NKAIN3: variants seen among roughly 807,000 people sequenced by gnomAD.
The protein encoded by NKAIN3 is sodium/potassium-transporting ATPase subunit beta-1-interacting protein 3.
A neutral mutation model predicts 30.2 loss-of-function variants in NKAIN3; 25 were observed. The ratio of observed to expected loss-of-function variants is 0.83; its 90% CI spans 0.60 to 1.16. The LOEUF is 1.16. NKAIN3 is among the 50% of genes most tolerant of loss of function. NKAIN3 has a pLI of 0.00. For synonymous variants in NKAIN3, 91 were observed against 89.6 expected (o/e 1.02, Z -0.09); for missense variants, 225 against 254.1 (o/e 0.89, Z 0.78).
Position 62,565,372 on chromosome 8 carries a change from G to T in NKAIN3, c.55-14167G>T, listed in dbSNP as rs562871943. 4.6e-5 allele frequency among the ~76,000 whole-genome samples: 7 copies of T among 151,974 alleles called. No individual in the cohort carries two copies. In the South Asian group the frequency reaches 1.5e-3, roughly 32 times the overall value. On this transcript the variant is annotated intron_variant, in intron 1 of 6. Coordinates refer to ENST00000623646, the MANE Select transcript of NKAIN3 (RefSeq NM_001304533.3). ...CATGGGCATACGTGTGTGCGTGTGT[G>T]TGTGTGTGTGTGACAGAGAGCACCA...
In NKAIN3 at chr8:62,856,801, T is replaced by C. The variant is rs144251033; in HGVS notation, c.472-61652T>C. ...TGTAAGATGTAAATATTTCACTGAA[T>C]CTTTGTCTTTCTCTGCACTATAGAG... On this transcript the variant is annotated intron_variant, in intron 4 of 6. Transcript: ENST00000623646. 7.1e-4 allele frequency: 444 copies of C among 624,650 alleles called. 2 individuals carry two copies. The highest frequency in any genetic ancestry group is 2.2e-3 in the Admixed American group (90 of 41,202). 38.7% of individuals were successfully genotyped at this position (624,650 alleles called of 1,614,324 possible).
chr8:62,825,578 C>T (rs1249555023), intron 4 of NKAIN3, among the ~76,000 whole-genome samples: 1 of 152,046 alleles, frequency 6.6e-6, no homozygotes, highest in Non-Finnish European at 1.5e-5. Context: ...ATATTTAAAC[C>T]AGCCAAACCT....
chr8:62,730,381 T>A (rs1255729731), intron 3 of NKAIN3, among the ~76,000 whole-genome samples: 2 of 152,130 alleles, frequency 1.3e-5, no homozygotes, highest in African/African-American at 4.8e-5. Flanking sequence ...GTTAATCTTT[T>A]ATTCTAACAT....
intron 3 of NKAIN3, among the ~76,000 whole-genome samples, chr8:62,738,882 T>C (rs1239871679): frequency 6.6e-6 from 1 of 152,044 alleles, no homozygotes; most frequent in African/African-American, 2.4e-5. Flanking sequence ...CCTCCAATGA[T>C]AGACTGGATA....
chr8:62,954,004 T>A, intron 6 of NKAIN3, 32 bp downstream of exon 6: 1 of 789,598 alleles, frequency 1.3e-6, no homozygotes, highest in Non-Finnish European at 1.5e-6. Flanking sequence ...TGGAAAATAT[T>A]AATCCTTCTA....
intron 3 of NKAIN3, among the ~76,000 whole-genome samples, chr8:62,727,749 T>C (rs965196667): frequency 6.6e-6 from 1 of 152,142 alleles, no homozygotes; most frequent in Non-Finnish European, 1.5e-5. Context: ...CTCAATATTG[T>C]CAAGATGTCA....
At chr8:62,537,222 T>G (rs1250722453) in intron 1 of NKAIN3, among the ~76,000 whole-genome samples, 1 of 152,154 alleles carries the variant, frequency 6.6e-6, no homozygotes, top group Non-Finnish European at 1.5e-5. Flanking sequence ...CAGGGCCTAC[T>G]CTAGAATTTC....
chr8:62,330,185 C>T (rs79454285), intron 1 of NKAIN3, among the ~76,000 whole-genome samples: 2 of 151,896 alleles, frequency 1.3e-5, no homozygotes, highest in African/African-American at 4.8e-5. Context: ...TTTCCAGGCC[C>T]TGGTTTCATG....
intron 1 of NKAIN3, among the ~76,000 whole-genome samples, chr8:62,323,610 A>G (rs1287165368): frequency 1.3e-5 from 2 of 152,076 alleles, no homozygotes; most frequent in African/African-American, 2.4e-5. Flanking sequence ...AGTTCTTATT[A>G]TCAGGGATAT....
chr8:62,990,399 G>GTTT, intron 5 of NKAIN3: 2 of 1,185,302 alleles, frequency 1.7e-6, no homozygotes, highest in Non-Finnish European at 1.1e-6. Flanking sequence ...AAAAGCATAG[G>GTTT]TTTTTTTTTA....
intron 1 of NKAIN3, among the ~76,000 whole-genome samples, chr8:62,345,947 T>C (rs558108126): frequency 5.3e-5 from 8 of 152,128 alleles, no homozygotes; most frequent in Admixed American, 3.9e-4. Context: ...GAGAACATTA[T>C]GTAAGTGAAG....
intron 3 of NKAIN3, among the ~76,000 whole-genome samples, chr8:62,600,967 T>G (rs1280090688): frequency 6.6e-6 from 1 of 152,090 alleles, no homozygotes; most frequent in Non-Finnish European, 1.5e-5. Context: ...CAAGGTTGGA[T>G]TCTTCTATCA....
At chr8:62,858,344 C>T (rs1025308826) in intron 4 of NKAIN3, among the ~76,000 whole-genome samples, 15 of 152,220 alleles carry the variant, frequency 9.9e-5, no homozygotes, top group African/African-American at 3.6e-4. Flanking sequence ...TGATCTAGTA[C>T]CTGCTTAAAG....
At chr8:62,957,875 C>T (rs72656539) in intron 6 of NKAIN3, among the ~76,000 whole-genome samples, 1 of 152,084 alleles carries the variant, frequency 6.6e-6, no homozygotes, top group African/African-American at 2.4e-5. Flanking sequence ...GTGACTATAT[C>T]AGTGTAGATT....
intron 3 of NKAIN3, among the ~76,000 whole-genome samples, chr8:62,643,724 G>A (rs531553517): frequency 2.5e-4 from 38 of 152,206 alleles, no homozygotes; most frequent in African/African-American, 8.9e-4. Flanking sequence ...TCCACTTGTG[G>A]AATTTTCCTA....
Position 62,967,239 on chromosome 8 carries a change from T to C in NKAIN3, c.*1832T>C, listed in dbSNP as rs565045197. On this transcript the variant is annotated 3_prime_UTR_variant, in exon 7 of 7. Coordinates refer to ENST00000623646, the MANE Select transcript of NKAIN3 (RefSeq NM_001304533.3). The stretch of plus-strand genomic sequence containing the variant: ...TATCTGTACACAGGGGCAAGAGCCA[T>C]AGCCAGTGGACAGAGAACATGGGAG... Among the ~76,000 whole-genome samples, 1 of 152,286 alleles carries C rather than the reference T, an allele frequency of 6.6e-6. No homozygotes were observed. Among genetic ancestry groups the C allele is most frequent in the South Asian group, 2.1e-4 (1 of 4,826 alleles).
intron 1 of NKAIN3, among the ~76,000 whole-genome samples, chr8:62,291,881 G>T (rs60512270): frequency 0.062 from 9,467 of 152,182 alleles, 980 homozygotes; most frequent in African/African-American, 0.21. Context: ...GTGTCTCTTT[G>T]TAGGTCTCCA....
At position 62,972,916 on chromosome 8, in the gene NKAIN3, A is replaced by T. The variant is rs1361034201; in HGVS notation, c.*7509A>T. Among the ~76,000 whole-genome samples, 1 of 126,538 alleles carries T rather than the reference A, an allele frequency of 7.9e-6. No homozygotes were observed. Among genetic ancestry groups the T allele is most frequent in the African/African-American group, 3.2e-5 (1 of 31,580 alleles). 83.0% of individuals were successfully genotyped at this position (126,538 alleles called of 152,430 possible). A position where few individuals can be genotyped will look rare whatever the true frequency, so the allele number is the denominator to read the frequency against. The stretch of plus-strand genomic sequence containing the variant: ...GTTCAACTCCCACTTAAGAGTAAGA[A>T]TATGCAGTGTTTGTTTTTTGTTCCT... On this transcript the variant is annotated 3_prime_UTR_variant, in exon 7 of 7. Coordinates refer to ENST00000623646, the MANE Select transcript of NKAIN3 (RefSeq NM_001304533.3).
intron 3 of NKAIN3, among the ~76,000 whole-genome samples, chr8:62,643,274 G>C (rs573396187): frequency 5.5e-4 from 84 of 152,084 alleles, no homozygotes; most frequent in Non-Finnish European, 9.3e-4. Flanking sequence ...TGCACAATCA[G>C]CTAGGAAGTT....
Sources: allele counts gnomAD v4.1 joint callset (sites outside exome capture counted in the v4.1 genomes callset), GRCh38; gene constraint gnomAD v4.1.1; transcripts MANE v1.5; gene names NCBI Gene and HGNC (gene_info 2026-07-23, HGNC 2026-07-21).